Variants in ZNHIT1 observed in about 807,000 individuals in gnomAD.
The protein encoded by ZNHIT1 is zinc finger HIT-type containing 1, also known as zinc finger HIT domain-containing protein 1.
A neutral mutation model predicts 21.4 loss-of-function variants in ZNHIT1; 20 were observed. The observed-to-expected ratio is 0.93, with a 90% CI of 0.66 to 1.36. The LOEUF is 1.36. Ranked by LOEUF, ZNHIT1 falls within the 40% of genes most tolerant of loss-of-function variation. ZNHIT1 has a pLI of 0.00. For missense variants in ZNHIT1, 170 were observed against 213.5 expected (o/e 0.80, Z 1.27); for synonymous variants, 79 against 84.0 (o/e 0.94, Z 0.32).
chr7:101,223,432 T>G, intron 2 of ZNHIT1, 45 bp from the exon 3 acceptor site: 1 of 1,600,820 alleles, frequency 6.2e-7, no homozygotes, highest in South Asian at 1.1e-5. Flanking sequence ...AAAGCTGCTG[T>G]CTTTCTGGGC....
At position 101,222,544 on chromosome 7, in the gene ZNHIT1, C is replaced by T. The variant is rs542305695; in HGVS notation, c.23-60C>T. On this transcript the variant is annotated intron_variant, in intron 1 of 4. Coordinates refer to ENST00000305105, the MANE Select transcript of ZNHIT1 (RefSeq NM_006349.3). ...GGTGCCTTCCTCGCCCTGCCCAGAG[C>T]GGCGGCCACACTGCTCTTTCTTGGA... 661 of 1,556,536 alleles carry T rather than the reference C, an allele frequency of 4.2e-4. 7 individuals are homozygous for T. In the South Asian group the frequency reaches 7.3e-3, roughly 17 times the overall value.
intron 1 of ZNHIT1, chr7:101,221,889 G>A (rs1798376549): frequency 6.6e-6 from 1 of 152,138 alleles, no homozygotes; most frequent in African/African-American, 2.4e-5. Flanking sequence ...AGCGTGGGTG[G>A]GTGGTCCCCC....
chr7:101,223,450 A>G (rs1443555801), intron 2 of ZNHIT1, 27 bp from the exon 3 acceptor site: 2 of 1,613,256 alleles, frequency 1.2e-6, no homozygotes, highest in African/African-American at 2.7e-5. Context: ...GGCAAGTGCC[A>G]AGCAACGGAT....
intron 1 of ZNHIT1, chr7:101,220,175 A>C (rs1290450896): frequency 7.4e-6 from 1 of 135,892 alleles, no homozygotes; most frequent in Non-Finnish European, 1.5e-5. Flanking sequence ...GCTGGAGTGC[A>C]GTGGCACAAA....
At chr7:101,218,367 G>T in intron 1 of ZNHIT1, 150 bp downstream of exon 1, 1 of 836,978 alleles carries the variant, frequency 1.2e-6, no homozygotes. Flanking sequence ...TCGATTTCCT[G>T]GGATCAAACC....
intron 1 of ZNHIT1, chr7:101,219,348 A>T (rs1168652452): frequency 6.6e-6 from 1 of 152,098 alleles, no homozygotes; most frequent in African/African-American, 2.4e-5. Context: ...AGCTCATGTG[A>T]TCCTCCTGCC....
chr7:101,224,128 G>C lies in ZNHIT1; in HGVS notation c.*170G>C. The C allele has an allele frequency of 9.8e-7, 1 of 1,023,502 alleles. No individual in the cohort carries two copies. Among genetic ancestry groups the C allele is most frequent in the Non-Finnish European group, 1.4e-6 (1 of 699,904 alleles). 63.4% of individuals were successfully genotyped at this position (1,023,502 alleles called of 1,614,324 possible). ...CAGGAAAGACCAGCCTCACTCCTGG[G>C]AACTGTCTGGCAGGTAGGCTGGGCC... On this transcript the variant is annotated 3_prime_UTR_variant, in exon 5 of 5. Transcript: ENST00000305105.
Position 101,223,576 on chromosome 7 carries a change from G to A in ZNHIT1, c.273+20G>A. ...GAGCAGGTGAGAGGAGGGTCGGCCT[G>A]GGAGGACCCCACAGGGAAGGGGTGA... is the stretch of plus-strand genomic sequence containing the variant. On this transcript the variant is annotated intron_variant, in intron 3 of 4. Coordinates refer to ENST00000305105, the MANE Select transcript of ZNHIT1 (RefSeq NM_006349.3). The A allele has an allele frequency of 6.2e-7, 1 of 1,614,154 alleles. No homozygotes were observed. Among genetic ancestry groups the A allele is most frequent in the Non-Finnish European group, 8.5e-7 (1 of 1,180,010 alleles).
At chr7:101,222,981 C>T (rs1562899565) in intron 2 of ZNHIT1, among the ~76,000 whole-genome samples, 1 of 152,212 alleles carries the variant, frequency 6.6e-6, no homozygotes, top group Admixed American at 6.5e-5. Flanking sequence ...TAAGCTCTGA[C>T]ACGAAGCCTT....
At chr7:101,220,505 A>G (rs1319962097) in intron 1 of ZNHIT1, 1 of 152,018 alleles carries the variant, frequency 6.6e-6, no homozygotes. Context: ...CACATTTCTT[A>G]ATCTCTGAAT....
chr7:101,223,975 A>C lies in ZNHIT1; in HGVS notation c.*17A>C, dbSNP rs1387505601. On this transcript the variant is annotated 3_prime_UTR_variant, in exon 5 of 5. Transcript: ENST00000305105. ...ACTGTGTGAGCCTGGGCATTCCCAG[A>C]GAGGAAGGGCCGCTGTGCACTGCCC... 6.2e-7 allele frequency: 1 copy of C among 1,614,144 alleles called. No individual in the cohort carries two copies. The highest frequency in any genetic ancestry group is 2.2e-5 in the East Asian group (1 of 44,886).
At chr7:101,221,323 A>T (rs1798366732) in intron 1 of ZNHIT1, 1 of 148,896 alleles carries the variant, frequency 6.7e-6, no homozygotes, top group South Asian at 2.1e-4. Context: ...TCCCGGGCCC[A>T]TGTAGTCCTC....
chr7:101,223,777 C>A lies in ZNHIT1; in HGVS notation c.378C>A (p.Tyr126Ter). 1.2e-6 allele frequency: 2 copies of A among 1,614,182 alleles called. No homozygotes were observed. Among genetic ancestry groups the A allele is most frequent in the South Asian group, 1.1e-5 (1 of 91,084 alleles). Reference sequence around the variant, plus strand: ...CTGTCTGTGGCTTCCCATCCCCCTACACCTGTGTCAGCTGCGGTGCCCGGT... The same window carrying A: ...CTGTCTGTGGCTTCCCATCCCCCTAAACCTGTGTCAGCTGCGGTGCCCGGT... ...FCAVCGFPSP[Y>*]TCVSCGARYC... is the part of the protein sequence containing the mutation. The change falls in exon 4 of 5, where the codon TAC becomes TAA. Residue 126 changes from tyrosine (Y) to a stop codon, truncating the protein, a stop_gained. Transcript: ENST00000305105. LOFTEE classifies it high-confidence loss of function.
At chr7:101,219,470 AGGCTG>A (rs1427359462) in intron 1 of ZNHIT1, 3 of 148,962 alleles carry the variant, frequency 2.0e-5, no homozygotes, top group Non-Finnish European at 3.0e-5. Context: ...TCTGTCCCCC[AGGCTG>A]GAGTGCAGTG....
At chr7:101,222,328 C>T in intron 1 of ZNHIT1, 1 of 436,846 alleles carries the variant, frequency 2.3e-6, no homozygotes. Flanking sequence ...CAGCAGTGAG[C>T]TGTCTCCAGG....
intron 1 of ZNHIT1, 164 bp from the exon 2 acceptor site, chr7:101,222,440 G>GT: frequency 1.6e-6 from 1 of 614,198 alleles, no homozygotes; most frequent in Admixed American, 4.8e-5. Flanking sequence ...TGTGGGCCCA[G>GT]GGCTTGGCCC....
chr7:101,223,452 G>A, intron 2 of ZNHIT1, 25 bp from the exon 3 acceptor site: 4 of 1,613,340 alleles, frequency 2.5e-6, no homozygotes, highest in Non-Finnish European at 3.4e-6. Flanking sequence ...CAAGTGCCAA[G>A]CAACGGATCA....
In ZNHIT1 at chr7:101,223,860, T is replaced by TGTCC; in HGVS notation, c.443+19_443+22dup. The TGTCC allele has an allele frequency of 6.2e-7, 1 of 1,614,084 alleles. No homozygotes were observed. Among genetic ancestry groups the TGTCC allele is most frequent in the Non-Finnish European group, 8.5e-7 (1 of 1,179,966 alleles). ...GAGACCAGGTGAGCATGAGACCTGC[T>TGTCC]GTCCACTCCCACTCCCTCCTTCCCA... On this transcript the variant is annotated intron_variant, in intron 4 of 4. Coordinates refer to ENST00000305105, the MANE Select transcript of ZNHIT1 (RefSeq NM_006349.3).
chr7:101,223,428 G>A (rs1196219041), intron 2 of ZNHIT1, 49 bp from the exon 3 acceptor site: 1 of 1,592,406 alleles, frequency 6.3e-7, no homozygotes, highest in Non-Finnish European at 8.6e-7. Context: ...AGAGAAAGCT[G>A]CTGTCTTTCT....
Sources: allele counts gnomAD v4.1 joint callset (sites outside exome capture counted in the v4.1 genomes callset), GRCh38; gene constraint gnomAD v4.1.1; transcripts MANE v1.5; gene names NCBI Gene and HGNC (gene_info 2026-07-23, HGNC 2026-07-21).